The following TCF21 variants were observed in gnomAD, a reference collection of about 807,000 sequenced individuals.
TCF21 encodes capsulin.
In TCF21, 3 loss-of-function variants were observed where a neutral mutation model predicts 13.5. The observed-to-expected ratio is 0.22, with a 90% CI of 0.10 to 0.57. The LOEUF is 0.57. TCF21 is among the 20% of genes least tolerant of loss of function. The probability of loss-of-function intolerance (pLI) is 0.92; values close to 1 mark genes in which losing one functional copy is unlikely to be tolerated. For synonymous variants in TCF21, 92 were observed against 101.7 expected (o/e 0.90, Z 0.57); for missense variants, 181 against 238.4 (o/e 0.76, Z 1.59).
Position 133,889,976 on chromosome 6 carries a change from C to T in TCF21, c.450+129C>T. On this transcript the variant is annotated intron_variant, in intron 1 of 1. Transcript: ENST00000367882. The surrounding 1 kb of genome is among the most constrained non-coding windows in gnomAD (Gnocchi z 5.1). ...GGTGACTTACACATCTCGACCACCG[C>T]GGGCCTAGAGCCTCCAGGGACCGGA... 1 of 1,049,426 alleles carries T rather than the reference C, an allele frequency of 9.5e-7. No individual in the cohort carries two copies. Among genetic ancestry groups the T allele is most frequent in the Non-Finnish European group, 1.4e-6 (1 of 695,870 alleles). 65.0% of individuals were successfully genotyped at this position (1,049,426 alleles called of 1,614,324 possible).
chr6:133,891,515 G>C (rs1488211257), intron 1 of TCF21, among the ~76,000 whole-genome samples, 198 bp from the exon 2 acceptor site: 4 of 152,242 alleles, frequency 2.6e-5, no homozygotes, highest in Admixed American at 6.5e-5. Flanking sequence ...ACCTCGAGCT[G>C]TGACTTGGCG....
intron 1 of TCF21, among the ~76,000 whole-genome samples, chr6:133,890,800 G>A (rs1022594870): frequency 6.6e-6 from 1 of 152,204 alleles, no homozygotes; most frequent in African/African-American, 2.4e-5. Context: ...TAGAGCAGTA[G>A]TGAGAGGGGT....
Position 133,889,712 on chromosome 6 carries a change from C to G in TCF21, c.315C>G (p.Thr105=), listed in dbSNP as rs775768050. 1.4e-5 allele frequency: 22 copies of G among 1,613,762 alleles called. No homozygotes were observed. Among genetic ancestry groups the G allele is most frequent in the Non-Finnish European group, 1.8e-5 (21 of 1,179,982 alleles). Residue 105 remains threonine, a synonymous_variant, in exon 1 of 2, where the codon ACC becomes ACG. Transcript: ENST00000367882. The surrounding 1 kb of genome is among the most constrained non-coding windows in gnomAD (Gnocchi z 5.1). ...AGGCCTTCTCCAGACTCAAGACCAC[C>G]CTGCCCTGGGTGCCCCCCGACACCA... is the stretch of plus-strand genomic sequence containing the variant. ...LSKAFSRLKT[T]LPWVPPDTKL...
Position 133,889,258 on chromosome 6 carries a change from A to G in TCF21, c.-140A>G. ...TGAGACCCAACCAGACCCCAACTCCAGCTCCCAGCAGGAGGTGGCTGCGCC... is the reference window on the plus strand; with the variant it reads ...TGAGACCCAACCAGACCCCAACTCCGGCTCCCAGCAGGAGGTGGCTGCGCC... On this transcript the variant is annotated 5_prime_UTR_variant, in exon 1 of 2. Transcript: ENST00000367882. The surrounding 1 kb of genome is among the most constrained non-coding windows in gnomAD (Gnocchi z 5.1). 9.1e-7 allele frequency: 1 copy of G among 1,100,262 alleles called. No individual in the cohort carries two copies. Among genetic ancestry groups the G allele is most frequent in the Non-Finnish European group, 1.4e-6 (1 of 735,436 alleles). 68.2% of individuals were successfully genotyped at this position (1,100,262 alleles called of 1,614,324 possible).
chr6:133,891,576 G>A (rs972728294), intron 1 of TCF21, 137 bp from the exon 2 acceptor site: 17 of 939,208 alleles, frequency 1.8e-5, no homozygotes, highest in Non-Finnish European at 2.8e-5. Flanking sequence ...AGGACCGGGA[G>A]TAAATTGCAG....
In TCF21 at chr6:133,889,302, G is replaced by A; in HGVS notation, c.-96G>A. Reference sequence around the variant, plus strand: ...CTGCGCCACACTCGGGAGGCCTCTTGGTTTCAGGGTCTCTCTGTCTCTCTC... The same window carrying A: ...CTGCGCCACACTCGGGAGGCCTCTTAGTTTCAGGGTCTCTCTGTCTCTCTC... On this transcript the variant is annotated 5_prime_UTR_variant, in exon 1 of 2. Coordinates refer to ENST00000367882, the MANE Select transcript of TCF21 (RefSeq NM_003206.4). The surrounding 1 kb of genome is among the most constrained non-coding windows in gnomAD (Gnocchi z 5.1). The A allele has an allele frequency of 6.6e-7, 1 of 1,523,226 alleles. No homozygotes were observed. Among genetic ancestry groups the A allele is most frequent in the Non-Finnish European group, 9.0e-7 (1 of 1,110,394 alleles). The allele number at this position is 1,523,226 out of a possible 1,614,324, so 94.4% of individuals were successfully genotyped here. A position where few individuals can be genotyped will look rare whatever the true frequency, so the allele number is the denominator to read the frequency against.
At position 133,891,816 on chromosome 6, in the gene TCF21, A is replaced by G; in HGVS notation, c.*14A>G. 1 of 1,613,234 alleles carries G rather than the reference A, an allele frequency of 6.2e-7. No individual in the cohort carries two copies. The highest frequency in any genetic ancestry group is 8.5e-7 in the Non-Finnish European group (1 of 1,179,392). ...ACCGCGTCCTGACCTTGGAGGTGCGAGTCTGGGAAAGGCGCGCTCCCGGGG... is the reference window on the plus strand; with the variant it reads ...ACCGCGTCCTGACCTTGGAGGTGCGGGTCTGGGAAAGGCGCGCTCCCGGGG... On this transcript the variant is annotated 3_prime_UTR_variant, in exon 2 of 2. Coordinates refer to ENST00000367882, the MANE Select transcript of TCF21 (RefSeq NM_003206.4).
At position 133,889,280 on chromosome 6, in the gene TCF21, C is replaced by A. The variant is rs1372906664; in HGVS notation, c.-118C>A. 2 of 1,323,644 alleles carry A rather than the reference C, an allele frequency of 1.5e-6. No individual in the cohort carries two copies. Among genetic ancestry groups the A allele is most frequent in the Admixed American group, 1.7e-5 (1 of 58,858 alleles). 82.0% of individuals were successfully genotyped at this position (1,323,644 alleles called of 1,614,324 possible). On this transcript the variant is annotated 5_prime_UTR_variant, in exon 1 of 2. Transcript: ENST00000367882. This position sits in a 1 kb window ranked among gnomAD's most constrained non-coding sequence, Gnocchi z 5.1. ...TCCAGCTCCCAGCAGGAGGTGGCTG[C>A]GCCACACTCGGGAGGCCTCTTGGTT... is the stretch of plus-strand genomic sequence containing the variant.
chr6:133,890,920 TC>T (rs541411760), intron 1 of TCF21, among the ~76,000 whole-genome samples: 14 of 152,068 alleles, frequency 9.2e-5, no homozygotes, highest in Admixed American at 5.2e-4. Flanking sequence ...TTGGGGTTTT[TC>T]CCCCCCAATG....
At chr6:133,891,441 A>C (rs1257976614) in intron 1 of TCF21, among the ~76,000 whole-genome samples, 1 of 152,198 alleles carries the variant, frequency 6.6e-6, no homozygotes, top group Non-Finnish European at 1.5e-5. Flanking sequence ...ATTGAGTCTC[A>C]CAAGGAACCC....
chr6:133,894,070 T>C (rs1775264430), downstream of TCF21: 1 of 152,188 alleles, frequency 6.6e-6, no homozygotes, highest in Non-Finnish European at 1.5e-5. Flanking sequence ...TCCGTGAAAA[T>C]GTCAGTTACT....
downstream of TCF21, chr6:133,895,218 A>G (rs1460608423): frequency 6.6e-6 from 1 of 152,240 alleles, no homozygotes; most frequent in Non-Finnish European, 1.5e-5. Context: ...GTGGTTCTTC[A>G]GAATCACCTA....
rs1583769634 is a variant in TCF21, at chr6:133,889,334, T to C, written c.-64T>C. 1 of 1,596,116 alleles carries C rather than the reference T, an allele frequency of 6.3e-7. No homozygotes were observed. Among genetic ancestry groups the C allele is most frequent in the East Asian group, 2.2e-5 (1 of 44,788 alleles). On this transcript the variant is annotated 5_prime_UTR_variant, in exon 1 of 2. Coordinates refer to ENST00000367882, the MANE Select transcript of TCF21 (RefSeq NM_003206.4). The surrounding 1 kb of genome is among the most constrained non-coding windows in gnomAD (Gnocchi z 5.1). ...GGGTCTCTCTGTCTCTCTCTCACCC[T>C]CTTCCTCGCTTTCTCTGTCTCTCTG...
Position 133,889,535 on chromosome 6 carries a change from T to G in TCF21, c.138T>G (p.Asn46Lys). Reference protein sequence around the residue: ...ESTEESSNCENGSPQKGRGGL... With the variant: ...ESTEESSNCEKGSPQKGRGGL... ...CCGAGGAGAGCTCCAACTGCGAGAA[T>G]GGGTCTCCCCAGAAGGGCCGCGGCG... The change falls in exon 1 of 2, where the codon AAT becomes AAG. Residue 46 changes from asparagine to lysine, a missense_variant. Physicochemically the swap from Asn to Lys is moderately conservative, Grantham distance 94. Coordinates refer to ENST00000367882, the MANE Select transcript of TCF21 (RefSeq NM_003206.4). This position sits in a 1 kb window ranked among gnomAD's most constrained non-coding sequence, Gnocchi z 5.1. The G allele has an allele frequency of 6.2e-7, 1 of 1,613,390 alleles. No individual in the cohort carries two copies. Among genetic ancestry groups the G allele is most frequent in the South Asian group, 1.1e-5 (1 of 91,046 alleles).
intron 1 of TCF21, 27 bp from the exon 2 acceptor site, chr6:133,891,686 C>G (rs748719599): frequency 2.2e-5 from 31 of 1,388,330 alleles, no homozygotes; most frequent in Non-Finnish European, 3.0e-5. Context: ...CGGCCACTTA[C>G]CTCCTCCACC....
At chr6:133,891,660 C>A in intron 1 of TCF21, 53 bp from the exon 2 acceptor site, 1 of 1,576,970 alleles carries the variant, frequency 6.3e-7, no homozygotes, top group Non-Finnish European at 8.7e-7. Flanking sequence ...CCGAGTCCAC[C>A]CCACCCCCTC....
At position 133,889,190 on chromosome 6, in the gene TCF21, C is replaced by T; in HGVS notation, c.-208C>T. The T allele has an allele frequency of 1.6e-6, 1 of 619,126 alleles. No individual in the cohort carries two copies. Among genetic ancestry groups the T allele is most frequent in the Admixed American group, 2.8e-5 (1 of 36,092 alleles). The allele number at this position is 619,126 out of a possible 1,614,324, so 38.4% of individuals were successfully genotyped here. On this transcript the variant is annotated 5_prime_UTR_variant, in exon 1 of 2. Transcript: ENST00000367882. This position sits in a 1 kb window ranked among gnomAD's most constrained non-coding sequence, Gnocchi z 5.1. ...GAGCCGGTTCCTCTGCTGCAGAAGT[C>T]CTCGGGGTTCCTTCTCACAACTCTG...
rs779872002 is a variant in TCF21 at position 133,889,361 on chromosome 6, C to CTCTG, written c.-34_-33insGTCT. 5 of 1,096,136 alleles carry CTCTG rather than the reference C, an allele frequency of 4.6e-6. No individual in the cohort carries two copies. The highest frequency in any genetic ancestry group is 6.1e-6 in the Non-Finnish European group (5 of 817,444). 67.9% of individuals were successfully genotyped at this position (1,096,136 alleles called of 1,614,324 possible). On this transcript the variant is annotated 5_prime_UTR_variant, in exon 1 of 2. Coordinates refer to ENST00000367882, the MANE Select transcript of TCF21 (RefSeq NM_003206.4). This position sits in a 1 kb window ranked among gnomAD's most constrained non-coding sequence, Gnocchi z 5.1. ...TTCCTCGCTTTCTCTGTCTCTCTGT[C>CTCTG]TCTCTCTCTCTCTCTCCCTCGTCCA...
In TCF21 at chr6:133,891,767, A is replaced by G. The variant is rs1181897218; in HGVS notation, c.505A>G (p.Thr169Ala). Reference sequence around the variant, plus strand: ...CGAGAGTGACCTGAAAGAAGTGGTGACCGCGAGCCGCTTATGTGGAACCAC... The same window carrying G: ...CGAGAGTGACCTGAAAGAAGTGGTGGCCGCGAGCCGCTTATGTGGAACCAC... ...KPESDLKEVV[T>A]ASRLCGTTAS Residue 169 changes from threonine (T) to alanine (A), a missense_variant, in exon 2 of 2, where the codon ACC becomes GCC. Physicochemically the swap from Thr to Ala is moderately conservative, Grantham distance 58 (BLOSUM62 0). This residue lies in a region of TCF21 where 55 missense variants were observed against 59.5 expected (regional missense o/e 0.92). Coordinates refer to ENST00000367882, the MANE Select transcript of TCF21 (RefSeq NM_003206.4). 3 of 1,613,868 alleles carry G rather than the reference A, an allele frequency of 1.9e-6. No individual in the cohort carries two copies. The South Asian group carries it at 3.3e-5, about 18-fold the overall frequency.
Sources: allele counts gnomAD v4.1 joint callset (sites outside exome capture counted in the v4.1 genomes callset), GRCh38; gene constraint gnomAD v4.1.1; regional missense constraint gnomAD v4.1.1; non-coding constraint Gnocchi (gnomAD v3.1); transcripts MANE v1.5; gene names NCBI Gene and HGNC (gene_info 2026-07-23, HGNC 2026-07-21).